The following SEMA6D variants were observed in gnomAD, a reference collection of about 807,000 sequenced individuals.
The protein encoded by SEMA6D is semaphorin 6D.
In SEMA6D, 35 loss-of-function variants were observed where a neutral mutation model predicts 106.6. That is an observed-to-expected ratio of 0.33 (90% CI 0.25 to 0.44). The LOEUF is 0.44. Ranked by LOEUF, SEMA6D falls within the 20% of genes least tolerant of loss-of-function variation. The pLI is 1.00. For missense variants in SEMA6D, 1,185 were observed against 1,345.9 expected, an observed-to-expected ratio of 0.88 and a Z score of 1.87; for synonymous variants, 499 against 487.7, an observed-to-expected ratio of 1.02 and a Z score of -0.31.
At chr15:47,520,001 T>G (rs1458027214) in intron 3 of SEMA6D, among the ~76,000 whole-genome samples, 2 of 152,196 alleles carry the variant, frequency 1.3e-5, no homozygotes, top group African/African-American at 4.8e-5. Context: ...ATGCAGCCGA[T>G]CATCCAAGTT....
At chr15:47,396,099 C>T (rs2040205259) in intron 1 of SEMA6D, among the ~76,000 whole-genome samples, 1 of 152,014 alleles carries the variant, frequency 6.6e-6, no homozygotes, top group Admixed American at 6.6e-5. Flanking sequence ...AGAAGGCAAC[C>T]CTCTGCAAGC....
chr15:47,307,705 A>G (rs139484446), intron 1 of SEMA6D, among the ~76,000 whole-genome samples: 2 of 152,282 alleles, frequency 1.3e-5, no homozygotes, highest in East Asian at 1.9e-4. Flanking sequence ...GGGGGATACA[A>G]TGAGGAAAAG....
chr15:47,540,381 C>G (rs186895630), intron 3 of SEMA6D, among the ~76,000 whole-genome samples: 1 of 151,990 alleles, frequency 6.6e-6, no homozygotes, highest in East Asian at 1.9e-4. Context: ...TCAAAATTAG[C>G]AAGGCATCCT....
At chr15:47,490,870 TA>T (rs2043452227) in intron 3 of SEMA6D, among the ~76,000 whole-genome samples, 1 of 152,160 alleles carries the variant, frequency 6.6e-6, no homozygotes, top group Non-Finnish European at 1.5e-5. Flanking sequence ...TCCATCTAAT[TA>T]ATAGTCAGAG....
Position 47,274,695 on chromosome 15 carries a change from C to T in SEMA6D, c.-239+90277C>T, listed in dbSNP as rs534615331. The T allele has an allele frequency of 6.6e-4, 101 of 152,308 alleles. 1 individual carries two copies. Among genetic ancestry groups the T allele is most frequent in the African/African-American group, 2.3e-3 (95 of 41,548 alleles). 9.4% of individuals were successfully genotyped at this position (152,308 alleles called of 1,614,324 possible). ...GTAAGGGAAAGTATCTTAGATGTTG[C>T]CTTCACTCTCTGCCTCACCTCTTCT... is the stretch of plus-strand genomic sequence containing the variant. On this transcript the variant is annotated intron_variant, in intron 1 of 19. Transcript: ENST00000558014.
chr15:47,585,466 G>A (rs570250700), intron 3 of SEMA6D, among the ~76,000 whole-genome samples: 3 of 152,276 alleles, frequency 2.0e-5, no homozygotes, highest in Non-Finnish European at 4.4e-5. Context: ...CAATATGGGA[G>A]CCTATCCTCT....
intron 3 of SEMA6D, among the ~76,000 whole-genome samples, chr15:47,543,088 G>A (rs1417880717): frequency 6.6e-6 from 1 of 152,120 alleles, no homozygotes; most frequent in African/African-American, 2.4e-5. Context: ...ACACTGGGAT[G>A]TCATCAGTTT....
chr15:47,329,867 T>C (rs1291161209), intron 1 of SEMA6D, among the ~76,000 whole-genome samples: 1 of 152,224 alleles, frequency 6.6e-6, no homozygotes, highest in African/African-American at 2.4e-5. Context: ...CTCATTAACA[T>C]AGTCATCATC....
chr15:47,458,839 A>G (rs573891216), intron 2 of SEMA6D, among the ~76,000 whole-genome samples: 36 of 152,152 alleles, frequency 2.4e-4, no homozygotes, highest in African/African-American at 8.4e-4. Flanking sequence ...AAAGTAAGCA[A>G]AAGAAATAAA....
chr15:47,505,001 A>G (rs1212833430), intron 3 of SEMA6D, among the ~76,000 whole-genome samples: 3 of 151,974 alleles, frequency 2.0e-5, no homozygotes, highest in Admixed American at 6.6e-5. Context: ...GCCTGGAGAG[A>G]CTCGGGCCAC....
chr15:47,196,917 T>G (rs1361663067), intron 1 of SEMA6D, among the ~76,000 whole-genome samples: 1 of 152,194 alleles, frequency 6.6e-6, no homozygotes, highest in African/African-American at 2.4e-5. Flanking sequence ...CTGCTTCTGT[T>G]CATTAGAATT....
At chr15:47,493,573 A>C (rs1397367065) in intron 3 of SEMA6D, among the ~76,000 whole-genome samples, 1 of 152,174 alleles carries the variant, frequency 6.6e-6, no homozygotes, top group African/African-American at 2.4e-5. Flanking sequence ...AGTAATTTAC[A>C]TAAAAGTCAT....
chr15:47,682,079 A>G (rs2078365646), intron 4 of SEMA6D, among the ~76,000 whole-genome samples: 1 of 152,088 alleles, frequency 6.6e-6, no homozygotes, highest in Non-Finnish European at 1.5e-5. Context: ...ATGTATGTAA[A>G]CCCCTAAAGG....
intron 1 of SEMA6D, among the ~76,000 whole-genome samples, chr15:47,294,004 A>G (rs2035699586): frequency 6.6e-6 from 1 of 152,182 alleles, no homozygotes; most frequent in Non-Finnish European, 1.5e-5. Context: ...GGCCAAATGC[A>G]GAGTGCAGGC....
chr15:47,354,537 C>T (rs1417146019), intron 1 of SEMA6D, among the ~76,000 whole-genome samples: 2 of 148,178 alleles, frequency 1.3e-5, no homozygotes, highest in African/African-American at 4.9e-5. Flanking sequence ...TATATACACA[C>T]ATATATGAAA....
intron 3 of SEMA6D, among the ~76,000 whole-genome samples, chr15:47,479,551 T>C (rs2043092977): frequency 6.6e-6 from 1 of 152,146 alleles, no homozygotes; most frequent in South Asian, 2.1e-4. Context: ...CTTTATGAGG[T>C]TGTCTTCAAG....
intron 4 of SEMA6D, among the ~76,000 whole-genome samples, chr15:47,620,946 C>T (rs1246589927): frequency 6.6e-6 from 1 of 151,770 alleles, no homozygotes; most frequent in African/African-American, 2.4e-5. Context: ...GCACGGAATC[C>T]TGCCTTTGTA....
chr15:47,466,391 G>A (rs1381254695), intron 2 of SEMA6D, among the ~76,000 whole-genome samples: 1 of 152,112 alleles, frequency 6.6e-6, no homozygotes, highest in African/African-American at 2.4e-5. Flanking sequence ...TCTACCTATA[G>A]GTGAGATCAT....
At chr15:47,456,246 G>C (rs2042342905) in intron 2 of SEMA6D, among the ~76,000 whole-genome samples, 2 of 151,912 alleles carry the variant, frequency 1.3e-5, no homozygotes, top group African/African-American at 4.8e-5. Context: ...TTATCATGGA[G>C]TCCATACACC....
Sources: allele counts gnomAD v4.1 joint callset (sites outside exome capture counted in the v4.1 genomes callset), GRCh38; gene constraint gnomAD v4.1.1; transcripts MANE v1.5; gene names NCBI Gene and HGNC (gene_info 2026-07-23, HGNC 2026-07-21).